Variants in GRIP1 observed in about 807,000 individuals in gnomAD.
GRIP1 encodes the protein glutamate receptor-interacting protein 1.
GRIP1 carries 45 observed loss-of-function variants against 129.9 expected under a neutral mutation model. That is an observed-to-expected ratio of 0.35 (90% CI 0.27 to 0.44). The LOEUF is 0.44. Among genes scored for constraint, GRIP1 ranks in the 20% least tolerant of loss-of-function variants. The pLI is 1.00. For synonymous variants in GRIP1, 530 were observed against 520.8 expected (o/e 1.02, Z -0.24); for missense variants, 1,196 against 1,396.8 (o/e 0.86, Z 2.29).
At chr12:66,479,440 C>CA (rs1208445798) in intron 7 of GRIP1, among the ~76,000 whole-genome samples, 6 of 151,480 alleles carry the variant, frequency 4.0e-5, no homozygotes, top group Middle Eastern at 3.2e-3. Flanking sequence ...GTCTACCAAC[C>CA]AAAAAAAAGC....
rs531948938 is a variant in GRIP1, at chr12:66,719,311, C to T, written c.-420+84742G>A. ...AGAATTTTGCACAATGTGAAAAGAA[C>T]TTTTTAGCAAGTACATTTGTCTGAA... On this transcript the variant is annotated intron_variant, in intron 1 of 4. Coordinates refer to the GRIP1 transcript ENST00000538373. 3.3e-5 allele frequency among the ~76,000 whole-genome samples: 5 copies of T among 152,150 alleles called. No homozygotes were observed. In the South Asian group the frequency reaches 1.0e-3, roughly 32 times the overall value.
chr12:66,958,101 C>G (rs1406171788), intron 1 of GRIP1, among the ~76,000 whole-genome samples: 1 of 152,028 alleles, frequency 6.6e-6, no homozygotes, highest in East Asian at 1.9e-4. Flanking sequence ...TCAGTTGGTT[C>G]TTGTGTCTCT....
chr12:66,493,015 A>AAAC (rs1484859686), intron 7 of GRIP1, among the ~76,000 whole-genome samples: 3 of 152,050 alleles, frequency 2.0e-5, no homozygotes, highest in Non-Finnish European at 4.4e-5. Flanking sequence ...CAAAACAAAC[A>AAAC]AACAAACAAA....
intron 1 of GRIP1, among the ~76,000 whole-genome samples, chr12:66,884,689 C>T (rs2040535614): frequency 6.6e-6 from 1 of 152,030 alleles, no homozygotes. Context: ...CAAGACCTAC[C>T]CAATGATTAC....
chr12:66,826,488 T>A (rs73331104), intron 1 of GRIP1, among the ~76,000 whole-genome samples: 9,158 of 151,826 alleles, frequency 0.06, 953 homozygotes, highest in African/African-American at 0.21. Flanking sequence ...CAACTACTAC[T>A]CAGAGTTTCT....
At chr12:66,368,613 G>A (rs930415056) in intron 23 of GRIP1, among the ~76,000 whole-genome samples, 4 of 152,178 alleles carry the variant, frequency 2.6e-5, no homozygotes, top group African/African-American at 9.7e-5. Flanking sequence ...CTTAAGGAAG[G>A]TGTTTTTCTC....
At chr12:66,904,466 T>C (rs535514334) in intron 1 of GRIP1, among the ~76,000 whole-genome samples, 48 of 152,340 alleles carry the variant, frequency 3.2e-4, no homozygotes, top group African/African-American at 1.1e-3. Flanking sequence ...AAATGAAGGT[T>C]AGAAATGTGT....
rs115237014 is a variant in GRIP1, at chr12:66,599,833, T to C, written c.56-2906A>G. On this transcript the variant is annotated intron_variant, in intron 1 of 24. Transcript: ENST00000359742. ...TAAATGGAACTAAGGCCCAGAAAGA[T>C]AAATTTATAGAAGGGCACACATCTA... is the stretch of plus-strand genomic sequence containing the variant. Among the ~76,000 whole-genome samples, 1,252 of 152,334 alleles carry C rather than the reference T, an allele frequency of 8.2e-3. 16 individuals carry two copies. Among genetic ancestry groups the C allele is most frequent in the African/African-American group, 0.029 (1,187 of 41,576 alleles).
At chr12:66,406,210 A>C (rs1286948905) in intron 16 of GRIP1, 73 bp downstream of exon 16, 1 of 1,441,072 alleles carries the variant, frequency 6.9e-7, no homozygotes, top group Non-Finnish European at 9.8e-7. Context: ...TATGTAAAAC[A>C]TCAAGATCTA....
At position 66,835,820 on chromosome 12, in the gene GRIP1, T is replaced by C. The variant is rs1032935687; in HGVS notation, c.58+233230A>G. Among the ~76,000 whole-genome samples the C allele has an allele frequency of 6.6e-5, 10 of 152,258 alleles. No homozygotes were observed. The East Asian group carries it at 9.7e-4, about 15-fold the overall frequency. ...GCGTGATACCCCATTGGTGCATACA[T>C]GTCATCATACATTTACCCAAACCTA... On this transcript the variant is annotated intron_variant, in intron 1 of 1. Coordinates refer to the GRIP1 transcript ENST00000643019.
intron 11 of GRIP1, 111 bp from the exon 12 acceptor site, chr12:66,445,619 A>C (rs2058600622): frequency 1.4e-6 from 1 of 700,494 alleles, no homozygotes; most frequent in South Asian, 1.9e-5. Context: ...CAATGGTGGG[A>C]GGTTAAATTA....
At chr12:66,870,514 T>C (rs1457433586) in intron 1 of GRIP1, among the ~76,000 whole-genome samples, 1 of 152,192 alleles carries the variant, frequency 6.6e-6, no homozygotes, top group East Asian at 1.9e-4. Flanking sequence ...TGATGTGGTA[T>C]AAAAGCTTAA....
chr12:67,038,001 T>C (rs1039866435), intron 1 of GRIP1, among the ~76,000 whole-genome samples: 1 of 152,160 alleles, frequency 6.6e-6, no homozygotes, highest in Non-Finnish European at 1.5e-5. Flanking sequence ...AAAAACTACT[T>C]ATCAACTTCA....
chr12:66,513,507 T>C (rs550434655), intron 7 of GRIP1, among the ~76,000 whole-genome samples: 6 of 152,142 alleles, frequency 3.9e-5, no homozygotes, highest in Non-Finnish European at 8.8e-5. Context: ...CATCTGTATA[T>C]GCATATGCAT....
At chr12:66,459,425 C>G (rs566355557) in intron 9 of GRIP1, among the ~76,000 whole-genome samples, 4 of 152,280 alleles carry the variant, frequency 2.6e-5, no homozygotes, top group African/African-American at 9.6e-5. Context: ...ATCTGTGTTT[C>G]AAATGAAGCC....
At chr12:66,634,077 C>CA (rs1273477688) in intron 1 of GRIP1, among the ~76,000 whole-genome samples, 2 of 152,170 alleles carry the variant, frequency 1.3e-5, no homozygotes, top group Non-Finnish European at 2.9e-5. Context: ...CATTAGGCAA[C>CA]AAAGGCTTCT....
intron 7 of GRIP1, among the ~76,000 whole-genome samples, chr12:66,495,732 T>C (rs1175617760): frequency 6.6e-6 from 1 of 151,930 alleles, no homozygotes; most frequent in Non-Finnish European, 1.5e-5. Flanking sequence ...GAGTTAAATG[T>C]AAGGGAAGCA....
At chr12:66,901,582 G>A (rs901861944) in intron 1 of GRIP1, among the ~76,000 whole-genome samples, 4 of 152,198 alleles carry the variant, frequency 2.6e-5, no homozygotes, top group African/African-American at 7.2e-5. Context: ...TTATGATGAA[G>A]AATAAAAGCC....
chr12:66,996,056 T>G (rs1303595633), intron 1 of GRIP1, among the ~76,000 whole-genome samples: 7 of 152,140 alleles, frequency 4.6e-5, no homozygotes, highest in Non-Finnish European at 1.0e-4. Context: ...ACATATTGTA[T>G]GAATCCATTT....
Sources: allele counts gnomAD v4.1 joint callset (sites outside exome capture counted in the v4.1 genomes callset), GRCh38; gene constraint gnomAD v4.1.1; transcripts MANE v1.5; gene names NCBI Gene and HGNC (gene_info 2026-07-23, HGNC 2026-07-21).